GRIN2A: variants seen among roughly 807,000 people sequenced by gnomAD.
GRIN2A encodes the protein glutamate ionotropic receptor NMDA type subunit 2A, also known as glutamate receptor ionotropic, NMDA 2A.
A neutral mutation model predicts 113.4 loss-of-function variants in GRIN2A; 22 were observed. The ratio of observed to expected loss-of-function variants is 0.19; its 90% confidence interval spans 0.14 to 0.28. The LOEUF (loss-of-function observed/expected upper bound fraction) is 0.28, where lower values mean the gene tolerates loss of function less well. Ranked by LOEUF, GRIN2A falls within the 10% of genes least tolerant of loss-of-function variation. The pLI, the probability that GRIN2A is intolerant of heterozygous loss-of-function variation, is 1.00. For synonymous variants in GRIN2A, 827 were observed against 738.4 expected (o/e 1.12, Z -1.94); for missense variants, 1,502 against 1,887.0 (o/e 0.80, Z 3.78).
chr16:10,001,780 G>A (rs374182073), intron 2 of GRIN2A, among the ~76,000 whole-genome samples: 1 of 152,100 alleles, frequency 6.6e-6, no homozygotes, highest in Non-Finnish European at 1.5e-5. Flanking sequence ...GGGTAGGCAC[G>A]GATATCCAAC....
At chr16:9,785,303 G>A (rs1041328086) in intron 11 of GRIN2A, among the ~76,000 whole-genome samples, 1 of 151,946 alleles carries the variant, frequency 6.6e-6, no homozygotes, top group Non-Finnish European at 1.5e-5. Flanking sequence ...CATGGATGAA[G>A]CTGGAAACCA....
intron 3 of GRIN2A, among the ~76,000 whole-genome samples, chr16:9,931,258 G>A (rs2141609209): frequency 6.6e-6 from 1 of 152,228 alleles, no homozygotes; most frequent in South Asian, 2.1e-4. Context: ...TCCATTGCTT[G>A]CTTTCCTAGC....
intron 2 of GRIN2A, among the ~76,000 whole-genome samples, chr16:9,976,844 A>C (rs1056074136): frequency 6.6e-6 from 1 of 152,162 alleles, no homozygotes; most frequent in Non-Finnish European, 1.5e-5. Context: ...CCAGCCTGAC[A>C]CCACATCGCG....
chr16:9,835,690 G>A (rs1383296278), intron 7 of GRIN2A, among the ~76,000 whole-genome samples: 1 of 152,046 alleles, frequency 6.6e-6, no homozygotes. Context: ...TTTTAAAATT[G>A]TTTTCCTAGT....
intron 4 of GRIN2A, among the ~76,000 whole-genome samples, chr16:9,850,408 TC>T (rs1199368075): frequency 1.3e-5 from 2 of 151,932 alleles, no homozygotes; most frequent in Admixed American, 6.6e-5. Flanking sequence ...TGAACACAAT[TC>T]CCCCTACTTC....
chr16:9,910,817 C>G (rs978072333), intron 3 of GRIN2A, among the ~76,000 whole-genome samples: 1 of 152,118 alleles, frequency 6.6e-6, no homozygotes, highest in African/African-American at 2.4e-5. Flanking sequence ...GGATTACAGG[C>G]ATGAGCCACT....
At chr16:9,994,420 G>C (rs887631153) in intron 2 of GRIN2A, among the ~76,000 whole-genome samples, 3 of 152,156 alleles carry the variant, frequency 2.0e-5, no homozygotes, top group Admixed American at 2.0e-4. Context: ...GGTGGGAGGT[G>C]AAATGAGAGA....
intron 2 of GRIN2A, among the ~76,000 whole-genome samples, chr16:9,940,900 C>G (rs545053150): frequency 6.6e-6 from 1 of 152,210 alleles, no homozygotes; most frequent in South Asian, 2.1e-4. Context: ...AAAAAACCAC[C>G]AACAGAAGAC....
chr16:9,930,471 C>T (rs1218832742), intron 3 of GRIN2A, among the ~76,000 whole-genome samples: 2 of 152,176 alleles, frequency 1.3e-5, no homozygotes, highest in Non-Finnish European at 2.9e-5. Flanking sequence ...ATTCTCTCAC[C>T]TCGTATCTCT....
At chr16:10,008,359 C>T (rs2046441787) in intron 2 of GRIN2A, among the ~76,000 whole-genome samples, 1 of 152,184 alleles carries the variant, frequency 6.6e-6, no homozygotes, top group South Asian at 2.1e-4. Context: ...GATTAGCATA[C>T]AAAGAATGGA....
At chr16:10,075,141 T>G (rs1307275028) in intron 2 of GRIN2A, among the ~76,000 whole-genome samples, 1 of 152,144 alleles carries the variant, frequency 6.6e-6, no homozygotes, top group East Asian at 1.9e-4. Flanking sequence ...CTATGCAGTT[T>G]CCTCATCTGC....
intron 2 of GRIN2A, among the ~76,000 whole-genome samples, chr16:10,170,270 A>T (rs1430648714): frequency 7.9e-5 from 12 of 152,232 alleles, no homozygotes; most frequent in Non-Finnish European, 1.5e-5. Context: ...CAGCCACATT[A>T]TGACTAAGTG....
intron 2 of GRIN2A, among the ~76,000 whole-genome samples, chr16:10,086,126 A>AGTTT (rs2048081482): frequency 6.6e-6 from 1 of 152,118 alleles, no homozygotes; most frequent in African/African-American, 2.4e-5. Context: ...ATGACACCTG[A>AGTTT]GTTTGTGCTT....
At position 10,133,383 on chromosome 16, in the gene GRIN2A, G is replaced by A. The variant is rs563562134; in HGVS notation, c.414+46615C>T. On this transcript the variant is annotated intron_variant, in intron 2 of 12. Coordinates refer to ENST00000330684, the MANE Select transcript of GRIN2A (RefSeq NM_001134407.3). ...AGCATTTTGGGAGGCCAAGGCGGGTGGATCACCTGAGGTCAGGAGTTCGAG... is the reference window on the plus strand; with the variant it reads ...AGCATTTTGGGAGGCCAAGGCGGGTAGATCACCTGAGGTCAGGAGTTCGAG... Among the ~76,000 whole-genome samples, 3 of 152,310 alleles carry A rather than the reference G, an allele frequency of 2.0e-5. No individual in the cohort carries two copies. The East Asian group carries it at 5.8e-4, about 29-fold the overall frequency.
intron 3 of GRIN2A, among the ~76,000 whole-genome samples, chr16:9,914,275 G>T (rs538675013): frequency 5.9e-5 from 9 of 152,186 alleles, no homozygotes; most frequent in African/African-American, 2.2e-4. Flanking sequence ...AGAACTGCCA[G>T]TTTTCAACAT....
At chr16:9,954,526 G>C (rs1233300059) in intron 2 of GRIN2A, among the ~76,000 whole-genome samples, 1 of 152,108 alleles carries the variant, frequency 6.6e-6, no homozygotes, top group African/African-American at 2.4e-5. Context: ...ATATCTGATG[G>C]GGGAGCATCA....
intron 2 of GRIN2A, among the ~76,000 whole-genome samples, chr16:10,031,160 A>C (rs2046921593): frequency 6.6e-6 from 1 of 152,104 alleles, no homozygotes; most frequent in Admixed American, 6.6e-5. Flanking sequence ...TCTAAATAAA[A>C]TACGTAAATC....
At chr16:9,781,177 A>C (rs1318902088) in intron 11 of GRIN2A, among the ~76,000 whole-genome samples, 2 of 152,342 alleles carry the variant, frequency 1.3e-5, no homozygotes, top group African/African-American at 4.8e-5. Context: ...GTAATGGGCC[A>C]TAATTTGCAG....
intron 2 of GRIN2A, among the ~76,000 whole-genome samples, chr16:10,167,712 A>T (rs1334822205): frequency 1.3e-5 from 2 of 152,198 alleles, no homozygotes; most frequent in East Asian, 1.9e-4. Context: ...CGCTCTGTAC[A>T]TCAACATCTA....
Sources: gnomAD v4.1 joint callset for allele counts (sites outside exome capture counted in the v4.1 genomes callset) on GRCh38, gnomAD v4.1.1 for gene constraint, MANE v1.5 for transcripts, NCBI Gene and HGNC (gene_info 2026-07-23, HGNC 2026-07-21) for gene names.